Variants in PCDH15 observed in about 807,000 individuals in gnomAD.
PCDH15 encodes the protein protocadherin-15.
A neutral mutation model predicts 178.5 loss-of-function variants in PCDH15; 129 were observed. The ratio of observed to expected loss-of-function variants is 0.72; its 90% CI spans 0.63 to 0.84. The LOEUF (loss-of-function observed/expected upper bound fraction) is 0.84. PCDH15 is among the 40% of genes least tolerant of loss of function. The pLI, the probability that PCDH15 is intolerant of heterozygous loss-of-function variation, is 0.00. For synonymous variants in PCDH15, 800 were observed against 732.0 expected (o/e 1.09, Z -1.50); for missense variants, 2,230 against 2,099.9 (o/e 1.06, Z -1.21).
intron 1 of PCDH15, among the ~76,000 whole-genome samples, chr10:54,789,957 T>C (rs946328330): frequency 1.3e-5 from 2 of 151,844 alleles, no homozygotes; most frequent in Admixed American, 1.3e-4. Flanking sequence ...CACTATCAAA[T>C]TGACTGGAGA....
In PCDH15 at chr10:53,819,051, C is replaced by T. The variant is rs533661185; in HGVS notation, c.4434-1038G>A. Among the ~76,000 whole-genome samples, 463 of 152,098 alleles carry T rather than the reference C, an allele frequency of 3.0e-3. 2 individuals carry two copies. The highest frequency in any genetic ancestry group is 0.01 in the African/African-American group (428 of 41,560). On this transcript the variant is annotated intron_variant, in intron 33 of 37. Coordinates refer to ENST00000644397, the MANE Select transcript of PCDH15 (RefSeq NM_001384140.1). Reference sequence around the variant, plus strand: ...TTTAAAATGGTTCTGCAGTGAATTTCGTAGAGTGCTTACACGGTTCTGCCA... The same window carrying T: ...TTTAAAATGGTTCTGCAGTGAATTTTGTAGAGTGCTTACACGGTTCTGCCA...
intron 2 of PCDH15, among the ~76,000 whole-genome samples, chr10:55,119,835 G>A (rs1250950553): frequency 6.6e-6 from 1 of 152,192 alleles, no homozygotes; most frequent in Non-Finnish European, 1.5e-5. Flanking sequence ...GAGAAAGTTT[G>A]TAACTGGTAA....
chr10:55,242,635 A>G (rs758960264), intron 1 of PCDH15, among the ~76,000 whole-genome samples: 9 of 152,100 alleles, frequency 5.9e-5, no homozygotes, highest in Non-Finnish European at 1.3e-4. Context: ...TGAGCCCAGG[A>G]GTTCAAGACC....
intron 8 of PCDH15, among the ~76,000 whole-genome samples, chr10:54,261,139 G>C (rs2057288338): frequency 6.6e-6 from 1 of 152,046 alleles, no homozygotes; most frequent in African/African-American, 2.4e-5. Context: ...TTAGGATAAA[G>C]ACATAAAAAT....
intron 8 of PCDH15, among the ~76,000 whole-genome samples, chr10:54,250,754 A>C (rs1482549946): frequency 6.6e-6 from 1 of 152,176 alleles, no homozygotes; most frequent in Non-Finnish European, 1.5e-5. Flanking sequence ...CATGGAGATA[A>C]ACAAGATGGA....
intron 2 of PCDH15, among the ~76,000 whole-genome samples, chr10:54,559,851 A>T (rs1017753118): frequency 1.3e-4 from 3 of 23,276 alleles, no homozygotes; most frequent in African/African-American, 2.6e-4. Context: ...GTCTTATAGT[A>T]AAAAAAAAAA....
intron 21 of PCDH15, among the ~76,000 whole-genome samples, chr10:53,994,102 T>A (rs2091695713): frequency 6.6e-6 from 1 of 152,228 alleles, no homozygotes. Flanking sequence ...AAGTAATTTA[T>A]CTTCTTTATA....
intron 2 of PCDH15, among the ~76,000 whole-genome samples, chr10:54,539,840 C>A (rs1261578648): frequency 6.6e-6 from 1 of 152,036 alleles, no homozygotes; most frequent in East Asian, 1.9e-4. Context: ...AAATAGAAAC[C>A]TATAACAAGA....
At chr10:54,390,856 T>C (rs965949829) in intron 3 of PCDH15, among the ~76,000 whole-genome samples, 5 of 152,150 alleles carry the variant, frequency 3.3e-5, no homozygotes, top group African/African-American at 1.2e-4. Flanking sequence ...ATATTCAATG[T>C]TTTCACCATT....
At chr10:54,850,111 C>G (rs562711899) in intron 3 of PCDH15, among the ~76,000 whole-genome samples, 1 of 151,940 alleles carries the variant, frequency 6.6e-6, no homozygotes, top group Non-Finnish European at 1.5e-5. Flanking sequence ...ACTTTAGTTG[C>G]TTAAACATAT....
At chr10:55,252,758 A>C (rs752811458) in intron 1 of PCDH15, among the ~76,000 whole-genome samples, 3 of 152,084 alleles carry the variant, frequency 2.0e-5, no homozygotes, top group Non-Finnish European at 4.4e-5. Context: ...AGAAAAGGTA[A>C]AAGTCATCAA....
At chr10:55,300,834 A>C (rs1299227894) in intron 1 of PCDH15, among the ~76,000 whole-genome samples, 1 of 152,166 alleles carries the variant, frequency 6.6e-6, no homozygotes, top group Non-Finnish European at 1.5e-5. Context: ...CCCTTTACCC[A>C]GTTTGGACCG....
At chr10:54,195,570 G>A in intron 11 of PCDH15, 113 bp downstream of exon 11, 1 of 904,642 alleles carries the variant, frequency 1.1e-6, no homozygotes. Flanking sequence ...CTCACTTACA[G>A]TGACTTAATT....
At chr10:55,024,219 T>C (rs911291913) in intron 2 of PCDH15, among the ~76,000 whole-genome samples, 1 of 147,066 alleles carries the variant, frequency 6.8e-6, no homozygotes, top group Non-Finnish European at 1.5e-5. Context: ...GGAAGGAATA[T>C]ATATTTCTTT....
intron 2 of PCDH15, among the ~76,000 whole-genome samples, chr10:55,616,420 G>A (rs1843476421): frequency 6.6e-6 from 1 of 151,782 alleles, no homozygotes; most frequent in African/African-American, 2.4e-5. Flanking sequence ...TAGATGAATT[G>A]CAGACAACCA....
intron 28 of PCDH15, among the ~76,000 whole-genome samples, chr10:53,847,321 C>G (rs764701087): frequency 3.9e-5 from 6 of 152,002 alleles, no homozygotes; most frequent in Non-Finnish European, 8.8e-5. Flanking sequence ...ATAGAGAGTT[C>G]CACCCCAAGT....
chr10:55,569,673 T>G (rs75633449), intron 2 of PCDH15, among the ~76,000 whole-genome samples: 1 of 151,712 alleles, frequency 6.6e-6, no homozygotes, highest in Admixed American at 6.6e-5. Flanking sequence ...TGTGGGTGAG[T>G]CCTACATTAC....
At chr10:54,078,876 C>T (rs192888844) in intron 17 of PCDH15, among the ~76,000 whole-genome samples, 1 of 152,114 alleles carries the variant, frequency 6.6e-6, no homozygotes, top group East Asian at 1.9e-4. Context: ...CTGCTACTTA[C>T]AAATGCCTGT....
rs963386838 is a variant in PCDH15, at chr10:55,229,183, G to A, written c.-155-62532C>T. Among the ~76,000 whole-genome samples the A allele has an allele frequency of 3.3e-5, 5 of 151,542 alleles. 1 individual carries two copies. The highest frequency in any genetic ancestry group is 3.3e-4 in the Admixed American group (5 of 15,192). ...GTATTTAAAAACACATACTTTTATAGTATGGGATAAGCACATGGCTCTTCT... is the reference window on the plus strand; with the variant it reads ...GTATTTAAAAACACATACTTTTATAATATGGGATAAGCACATGGCTCTTCT... On this transcript the variant is annotated intron_variant, in intron 1 of 5. Coordinates refer to the PCDH15 transcript ENST00000458638.
Sources: gnomAD v4.1 joint callset for allele counts (sites outside exome capture counted in the v4.1 genomes callset) on GRCh38, gnomAD v4.1.1 for gene constraint, MANE v1.5 for transcripts, NCBI Gene and HGNC (gene_info 2026-07-23, HGNC 2026-07-21) for gene names.